The following MRTFA variants were observed in gnomAD, a reference collection of about 807,000 sequenced individuals.
MRTFA encodes the protein myocardin-related transcription factor A.
In MRTFA, 20 loss-of-function variants were observed where a neutral mutation model predicts 83.5. The observed-to-expected ratio is 0.24, with a 90% CI of 0.17 to 0.35. The LOEUF (loss-of-function observed/expected upper bound fraction) is 0.35, where lower values mean the gene tolerates loss of function less well. MRTFA is among the 10% of genes least tolerant of loss of function. MRTFA has a pLI of 1.00. For synonymous variants in MRTFA, 659 were observed against 541.2 expected, an observed-to-expected ratio of 1.22 and a Z score of -3.02; for missense variants, 1,200 against 1,224.7, an observed-to-expected ratio of 0.98 and a Z score of 0.30.
chr22:40,569,093 T>TA (rs1321254884), intron 2 of MRTFA, among the ~76,000 whole-genome samples: 2 of 152,018 alleles, frequency 1.3e-5, no homozygotes, highest in Admixed American at 6.6e-5. Context: ...AGACTATCAA[T>TA]AAGAAGCAGA....
intron 3 of MRTFA, among the ~76,000 whole-genome samples, chr22:40,476,269 C>T (rs1263922050): frequency 6.6e-6 from 1 of 152,008 alleles, no homozygotes; most frequent in Non-Finnish European, 1.5e-5. Context: ...TACTAATATG[C>T]GCCCACGAGT....
At chr22:40,483,518 T>C (rs1569290512) in intron 3 of MRTFA, among the ~76,000 whole-genome samples, 2 of 151,406 alleles carry the variant, frequency 1.3e-5, no homozygotes, top group Non-Finnish European at 2.9e-5. Flanking sequence ...ACCCCATCTC[T>C]ACTAAAAATA....
intron 2 of MRTFA, among the ~76,000 whole-genome samples, chr22:40,554,384 C>A (rs540777562): frequency 9.2e-5 from 14 of 152,258 alleles, no homozygotes; most frequent in African/African-American, 3.4e-4. Context: ...GTGGGAGGGA[C>A]CCAGTGGGAG....
chr22:40,591,156 A>G (rs2056115501), intron 2 of MRTFA, among the ~76,000 whole-genome samples: 2 of 151,978 alleles, frequency 1.3e-5, no homozygotes, highest in Non-Finnish European at 2.9e-5. Context: ...TAAATAAATA[A>G]ATAGCAAATG....
At chr22:40,531,654 T>C (rs141551417) in intron 3 of MRTFA, among the ~76,000 whole-genome samples, 1 of 152,330 alleles carries the variant, frequency 6.6e-6, no homozygotes, top group African/African-American at 2.4e-5. Context: ...AGAAAACCTA[T>C]GGCTCATGTT....
intron 3 of MRTFA, among the ~76,000 whole-genome samples, chr22:40,519,013 T>TG (rs2054813130): frequency 6.6e-6 from 1 of 150,464 alleles, no homozygotes; most frequent in South Asian, 2.1e-4. Flanking sequence ...GTTTTGTTTT[T>TG]GGGGTTTTTT....
At chr22:40,614,206 AAAATAAATAAAT>A (rs906050487) in intron 1 of MRTFA, among the ~76,000 whole-genome samples, 4 of 151,344 alleles carry the variant, frequency 2.6e-5, no homozygotes, top group Non-Finnish European at 4.4e-5. Flanking sequence ...CTGTCTCAAA[AAAATAAATAAAT>A]AAATAAATAA....
rs567052974 is a variant in MRTFA, at chr22:40,429,598, C to G, written c.601+8G>C. 1.2e-6 allele frequency: 2 copies of G among 1,614,078 alleles called. No individual in the cohort carries two copies. On this transcript the variant is annotated splice_region_variant and intron_variant, in intron 7 of 14. Transcript: ENST00000355630. ...GCCTCTCACACAGGGTGGCTGGGTC[C>G]TCCTCACCAATGATGGCTTCCTTCA...
chr22:40,529,693 A>G (rs906098001), intron 3 of MRTFA, among the ~76,000 whole-genome samples: 1 of 152,256 alleles, frequency 6.6e-6, no homozygotes, highest in African/African-American at 2.4e-5. Flanking sequence ...TTTCTGAAGG[A>G]TAAATCAAAC....
intron 14 of MRTFA, 97 bp from the exon 15 acceptor site, chr22:40,412,004 TA>T (rs2052560015): frequency 2.8e-6 from 3 of 1,080,998 alleles, no homozygotes; most frequent in Non-Finnish European, 2.5e-6. Context: ...TCACACCATT[TA>T]CAAAAATAAA....
At chr22:40,437,823 G>A (rs143310251) in intron 4 of MRTFA, among the ~76,000 whole-genome samples, 57 of 150,948 alleles carry the variant, frequency 3.8e-4, no homozygotes, top group African/African-American at 1.3e-3. Flanking sequence ...AGTCTCCCAC[G>A]TTTACATTTA....
At chr22:40,636,443 T>TGGGGGAGGGGTCCCCAACCC (rs2056701932) in intron 1 of MRTFA, 35 bp downstream of exon 1, 1 of 151,578 alleles carries the variant, frequency 6.6e-6, no homozygotes, top group South Asian at 2.1e-4. Flanking sequence ...GAGGCCGCGG[T>TGGGGGAGGGGTCCCCAACCC]GGGGGAGGGG....
intron 3 of MRTFA, among the ~76,000 whole-genome samples, chr22:40,547,189 A>G (rs182056646): frequency 5.4e-4 from 82 of 151,898 alleles, no homozygotes; most frequent in Non-Finnish European, 8.7e-4. Flanking sequence ...AAATAAATAA[A>G]TATTTATTGA....
intron 2 of MRTFA, among the ~76,000 whole-genome samples, chr22:40,563,484 C>A (rs1232123830): frequency 7.3e-6 from 1 of 136,066 alleles, no homozygotes; most frequent in Non-Finnish European, 1.5e-5. Context: ...ATCATATATA[C>A]AAAGTCAGCA....
chr22:40,493,644 G>C (rs1473817889), intron 3 of MRTFA, among the ~76,000 whole-genome samples: 1 of 152,172 alleles, frequency 6.6e-6, no homozygotes, highest in Non-Finnish European at 1.5e-5. Context: ...GCTACTGTCA[G>C]AATACAAATA....
chr22:40,505,733 C>T (rs765963748), intron 3 of MRTFA, among the ~76,000 whole-genome samples: 11 of 152,134 alleles, frequency 7.2e-5, no homozygotes, highest in African/African-American at 2.7e-4. Flanking sequence ...GAGGACACAG[C>T]GTTCTTCTTC....
At chr22:40,629,775 CAAAAAAAAAAAAA>C (rs766356425) in intron 1 of MRTFA, among the ~76,000 whole-genome samples, 10 of 40,342 alleles carry the variant, frequency 2.5e-4, no homozygotes, top group Admixed American at 2.3e-3. Flanking sequence ...GATTCCATCT[CAAAAAAAAAAAAA>C]AAAAAAAAAA....
intron 1 of MRTFA, among the ~76,000 whole-genome samples, chr22:40,629,948 A>G (rs928465138): frequency 2.6e-5 from 4 of 152,022 alleles, no homozygotes; most frequent in Non-Finnish European, 5.9e-5. Context: ...ACTAGGGCCC[A>G]CACTAATACC....
chr22:40,429,868 T>A, intron 6 of MRTFA, 101 bp from the exon 7 acceptor site: 1 of 1,232,386 alleles, frequency 8.1e-7, no homozygotes, highest in Non-Finnish European at 1.1e-6. Context: ...GCAAGAGGAG[T>A]GACTGTCAGA....
Sources: gnomAD v4.1 joint callset for allele counts (sites outside exome capture counted in the v4.1 genomes callset) on GRCh38, gnomAD v4.1.1 for gene constraint, MANE v1.5 for transcripts, NCBI Gene and HGNC (gene_info 2026-07-23, HGNC 2026-07-21) for gene names.